Variants in ADAMTS20 observed in about 807,000 individuals in gnomAD.
ADAMTS20 encodes A disintegrin and metalloproteinase with thrombospondin motifs 20.
ADAMTS20 carries 225 observed loss-of-function variants against 260.1 expected under a neutral mutation model. The observed-to-expected ratio is 0.87, with a 90% confidence interval of 0.78 to 0.97. ADAMTS20 has a LOEUF of 0.97. Ranked by LOEUF, ADAMTS20 falls within the 50% of genes least tolerant of loss-of-function variation. ADAMTS20 has a pLI of 0.00. For missense variants in ADAMTS20, 2,400 were observed against 2,337.7 expected (o/e 1.03, Z -0.55); for synonymous variants, 802 against 769.5 (o/e 1.04, Z -0.70).
At chr12:43,395,089 G>C (rs1440135456) in intron 29 of ADAMTS20, among the ~76,000 whole-genome samples, 1 of 152,088 alleles carries the variant, frequency 6.6e-6, no homozygotes, top group Non-Finnish European at 1.5e-5. Context: ...TATCAAGAAA[G>C]ATGATAAAGG....
chr12:43,353,086 GAGT>G, downstream of ADAMTS20, among the ~76,000 whole-genome samples: 1 of 151,718 alleles, frequency 6.6e-6, no homozygotes, highest in East Asian at 1.9e-4. Context: ...TTGGTTTTCC[GAGT>G]AGATTTCCAT....
In ADAMTS20 at chr12:43,403,525, T is replaced by G. The variant is rs543143123; in HGVS notation, c.4285-4292A>C. On this transcript the variant is annotated intron_variant, in intron 28 of 38. Transcript: ENST00000389420. ...TTGTATATCCCTGAAAAGTAACTAT[T>G]ACACTAGTCATGCATAAACTGTGCC... 2.0e-5 allele frequency among the ~76,000 whole-genome samples: 3 copies of G among 152,190 alleles called. No homozygotes were observed. The East Asian group carries it at 5.8e-4, about 29-fold the overall frequency.
intron 37 of ADAMTS20, among the ~76,000 whole-genome samples, chr12:43,367,911 C>G (rs1940022022): frequency 6.6e-6 from 1 of 151,934 alleles, no homozygotes; most frequent in Non-Finnish European, 1.5e-5. Flanking sequence ...TTCTCCTTAC[C>G]AACCACTCTA....
chr12:43,407,484 A>G (rs1207105897), intron 28 of ADAMTS20, among the ~76,000 whole-genome samples: 1 of 151,648 alleles, frequency 6.6e-6, no homozygotes. Context: ...ATAATTTACT[A>G]TAATTATTAA....
At chr12:43,427,089 C>T (rs894646329) in intron 27 of ADAMTS20, among the ~76,000 whole-genome samples, 23 of 152,104 alleles carry the variant, frequency 1.5e-4, no homozygotes, top group Non-Finnish European at 3.4e-4. Flanking sequence ...GGGAAGATCG[C>T]TTGAGCCCAG....
At position 43,551,363 on chromosome 12, in the gene ADAMTS20, C is replaced by A; in HGVS notation, c.92-93G>T. 6.7e-7 allele frequency: 1 copy of A among 1,503,550 alleles called. No homozygotes were observed. 93.1% of individuals were successfully genotyped at this position (1,503,550 alleles called of 1,614,324 possible). ...CACCAAACGTCCCCGCTAAAGGTCCCAGGTCCCAGTACAGCCAGGGGCAAG... is the reference window on the plus strand; with the variant it reads ...CACCAAACGTCCCCGCTAAAGGTCCAAGGTCCCAGTACAGCCAGGGGCAAG... On this transcript the variant is annotated intron_variant, in intron 1 of 38. Coordinates refer to ENST00000389420, the MANE Select transcript of ADAMTS20 (RefSeq NM_025003.5). The surrounding 1 kb of genome is among the most constrained non-coding windows in gnomAD (Gnocchi z 4.6).
intron 29 of ADAMTS20, among the ~76,000 whole-genome samples, chr12:43,395,427 C>T (rs1054611623): frequency 6.6e-6 from 1 of 152,004 alleles, no homozygotes; most frequent in Non-Finnish European, 1.5e-5. Flanking sequence ...TATGGAATTA[C>T]AGAAATACAA....
At chr12:43,460,846 G>A (rs2137369874) in intron 11 of ADAMTS20, among the ~76,000 whole-genome samples, 1 of 150,710 alleles carries the variant, frequency 6.6e-6, no homozygotes, top group East Asian at 2.0e-4. Flanking sequence ...CAAAAAAGAT[G>A]ACGCTGTATA....
intron 8 of ADAMTS20, among the ~76,000 whole-genome samples, chr12:43,468,127 T>C (rs1372087269): frequency 2.0e-5 from 3 of 152,124 alleles, no homozygotes; most frequent in Non-Finnish European, 2.9e-5. Context: ...ATGGAAAAAG[T>C]GAATACTTTA....
chr12:43,470,620 T>C (rs994160371), intron 7 of ADAMTS20, among the ~76,000 whole-genome samples: 5 of 152,182 alleles, frequency 3.3e-5, no homozygotes, highest in Non-Finnish European at 7.3e-5. Flanking sequence ...ACAGGTTCCC[T>C]GTGTTTGGAA....
chr12:43,509,438 G>A (rs1942892273), intron 3 of ADAMTS20, among the ~76,000 whole-genome samples: 1 of 151,852 alleles, frequency 6.6e-6, no homozygotes, highest in South Asian at 2.1e-4. Context: ...CAACTCTTTG[G>A]CAAAGTAATT....
At chr12:43,374,150 A>G (rs1940170554) in intron 36 of ADAMTS20, among the ~76,000 whole-genome samples, 1 of 152,158 alleles carries the variant, frequency 6.6e-6, no homozygotes, top group African/African-American at 2.4e-5. Flanking sequence ...ACACCCAGAC[A>G]GTCTAGAGTT....
At chr12:43,500,786 T>C (rs1942747579) in intron 4 of ADAMTS20, among the ~76,000 whole-genome samples, 1 of 152,140 alleles carries the variant, frequency 6.6e-6, no homozygotes, top group African/African-American at 2.4e-5. Context: ...CACTGTATCA[T>C]ATACTGTGTT....
intron 7 of ADAMTS20, among the ~76,000 whole-genome samples, chr12:43,471,664 G>C (rs1281193859): frequency 4.3e-5 from 6 of 139,912 alleles, no homozygotes; most frequent in African/African-American, 1.6e-4. Flanking sequence ...GCCTCCTCAA[G>C]TGGGTCCCTG....
At chr12:43,380,003 G>A (rs373490661) in intron 31 of ADAMTS20, among the ~76,000 whole-genome samples, 12 of 149,866 alleles carry the variant, frequency 8.0e-5, no homozygotes, top group East Asian at 3.9e-4. Flanking sequence ...AAAAACTATA[G>A]ACCAGTAGTT....
intron 3 of ADAMTS20, among the ~76,000 whole-genome samples, chr12:43,520,172 C>T (rs970190008): frequency 2.0e-5 from 3 of 152,072 alleles, no homozygotes; most frequent in Non-Finnish European, 4.4e-5. Context: ...AGAATGGCTT[C>T]AGGCTTAACT....
chr12:43,472,659 A>G (rs1266585438), intron 7 of ADAMTS20, among the ~76,000 whole-genome samples: 39 of 139,750 alleles, frequency 2.8e-4, no homozygotes, highest in Non-Finnish European at 5.7e-4. Context: ...CCTACAAGCC[A>G]GAAGAGAGTG....
At chr12:43,355,485 C>A (rs1178782209) in intron 38 of ADAMTS20, among the ~76,000 whole-genome samples, 1 of 152,074 alleles carries the variant, frequency 6.6e-6, no homozygotes, top group Non-Finnish European at 1.5e-5. Context: ...CTTCATTAAG[C>A]ACAATTTTAT....
chr12:43,420,983 T>G (rs929361636), intron 28 of ADAMTS20, among the ~76,000 whole-genome samples: 2 of 151,368 alleles, frequency 1.3e-5, no homozygotes, highest in Non-Finnish European at 2.9e-5. Flanking sequence ...AATTTTTGTA[T>G]TTTTAGTAGA....
Sources: allele counts gnomAD v4.1 joint callset (sites outside exome capture counted in the v4.1 genomes callset), GRCh38; gene constraint gnomAD v4.1.1; non-coding constraint Gnocchi (gnomAD v3.1); transcripts MANE v1.5; gene names NCBI Gene and HGNC (gene_info 2026-07-23, HGNC 2026-07-21).